COBL: variants seen among roughly 807,000 people sequenced by gnomAD.
The protein encoded by COBL is protein cordon-bleu.
Under a neutral mutation model 98.8 loss-of-function variants are expected in COBL, and 51 were observed. The observed-to-expected ratio is 0.52, with a 90% CI of 0.41 to 0.65. The LOEUF is 0.65. Among genes scored for constraint, COBL ranks in the 30% least tolerant of loss-of-function variants. The probability of loss-of-function intolerance (pLI) is 0.00; values close to 1 mark genes in which losing one functional copy is unlikely to be tolerated. For missense variants in COBL, 1,617 were observed against 1,617.5 expected (o/e 1.00, Z 0.01); for synonymous variants, 634 against 651.7 (o/e 0.97, Z 0.41).
At chr7:51,040,138 T>C (rs1789028753) in intron 8 of COBL, among the ~76,000 whole-genome samples, 1 of 151,444 alleles carries the variant, frequency 6.6e-6, no homozygotes, top group Non-Finnish European at 1.5e-5. Flanking sequence ...AAATGTGATA[T>C]ACCATGCTGA....
At chr7:51,193,887 T>TA (rs567873634) in intron 2 of COBL, among the ~76,000 whole-genome samples, 67 of 152,306 alleles carry the variant, frequency 4.4e-4, no homozygotes, top group African/African-American at 1.5e-3. Context: ...TAAGGTCTGT[T>TA]AGCACAAATA....
chr7:51,299,167 T>C (rs1346766074), intron 1 of COBL, among the ~76,000 whole-genome samples: 7 of 151,532 alleles, frequency 4.6e-5, no homozygotes, highest in African/African-American at 1.7e-4. Flanking sequence ...TGAGCACACA[T>C]ACATACACAC....
At chr7:51,313,252 A>C (rs920697895) in intron 1 of COBL, among the ~76,000 whole-genome samples, 2 of 152,152 alleles carry the variant, frequency 1.3e-5, no homozygotes, top group African/African-American at 4.8e-5. Context: ...ATATTTTCTT[A>C]ATATCTGCAT....
chr7:51,140,731 C>T (rs749711063), intron 5 of COBL, among the ~76,000 whole-genome samples: 7 of 152,158 alleles, frequency 4.6e-5, no homozygotes, highest in Non-Finnish European at 8.8e-5. Flanking sequence ...AGCACAAGTG[C>T]CCCATAGAAC....
At chr7:51,124,633 C>A (rs1798038585) in intron 6 of COBL, among the ~76,000 whole-genome samples, 1 of 152,100 alleles carries the variant, frequency 6.6e-6, no homozygotes, top group Non-Finnish European at 1.5e-5. Context: ...CGTAATCTAC[C>A]CAAAAGACAA....
At chr7:51,144,136 C>T (rs778739744) in intron 5 of COBL, among the ~76,000 whole-genome samples, 1 of 152,220 alleles carries the variant, frequency 6.6e-6, no homozygotes, top group Non-Finnish European at 1.5e-5. Flanking sequence ...TGTGAGCTGA[C>T]ACCTGCCAGG....
intron 6 of COBL, among the ~76,000 whole-genome samples, chr7:51,112,657 C>T (rs1796941215): frequency 6.6e-6 from 1 of 152,140 alleles, no homozygotes; most frequent in Non-Finnish European, 1.5e-5. Flanking sequence ...GTCCTTTGCA[C>T]CTTTGGGTCT....
chr7:51,201,510 A>AAG, intron 2 of COBL, among the ~76,000 whole-genome samples: 1 of 152,210 alleles, frequency 6.6e-6, no homozygotes, highest in Admixed American at 6.5e-5. Context: ...TAATACAATA[A>AAG]TATGAAGAGA....
At chr7:51,023,329 G>C (rs1203334472) in intron 12 of COBL, among the ~76,000 whole-genome samples, 2 of 152,172 alleles carry the variant, frequency 1.3e-5, no homozygotes, top group African/African-American at 4.8e-5. Flanking sequence ...CTATCCTGAG[G>C]AGATGGCATA....
rs1785584970 is a variant in COBL, at chr7:51,151,779, G to A, written c.784-15448C>T. On this transcript the variant is annotated intron_variant, in intron 5 of 12. Coordinates refer to ENST00000265136, the MANE Select transcript of COBL (RefSeq NM_015198.5). ...AATATTTCCCAGCTTCCTTGGTTAG[G>A]ACAGAGCTTTGAATCATTTCTTCAA... is the stretch of plus-strand genomic sequence containing the variant. Among the ~76,000 whole-genome samples, 3 of 152,188 alleles carry A rather than the reference G, an allele frequency of 2.0e-5. No homozygotes were observed. The South Asian group carries it at 6.2e-4, about 31-fold the overall frequency.
intron 1 of COBL, among the ~76,000 whole-genome samples, chr7:51,283,024 A>T (rs1200847449): frequency 2.0e-5 from 3 of 152,198 alleles, no homozygotes; most frequent in African/African-American, 7.2e-5. Flanking sequence ...ATGATGATAA[A>T]GAAGTGCTTA....
chr7:51,065,069 A>G, intron 7 of COBL: 1 of 645,038 alleles, frequency 1.6e-6, no homozygotes, highest in East Asian at 2.7e-5. Flanking sequence ...AACATTTAGA[A>G]GTCGGTCCAT....
At chr7:51,188,697 G>A (rs749559149) in intron 4 of COBL, among the ~76,000 whole-genome samples, 2 of 152,138 alleles carry the variant, frequency 1.3e-5, no homozygotes, top group Admixed American at 6.5e-5. Context: ...AAATCTGAAC[G>A]GCCAAGCTGA....
chr7:51,095,765 T>G (rs575984285), intron 6 of COBL, among the ~76,000 whole-genome samples: 1 of 152,136 alleles, frequency 6.6e-6, no homozygotes, highest in Non-Finnish European at 1.5e-5. Context: ...AAGATAGACT[T>G]CAAGTCAAAA....
chr7:51,030,871 T>G lies in COBL; in HGVS notation c.1445A>C (p.Asp482Ala). Residue 482 changes from aspartate (D) to alanine (A), a missense_variant, in exon 9 of 13, where the codon GAC becomes GCC. Asp to Ala is a moderately radical substitution (Grantham distance 126). This residue lies in a region of COBL where 1,304 missense variants were observed against 1,282.0 expected (regional missense o/e 1.02). Transcript: ENST00000265136. ...KAVTASNDEEDLLIAGEFRKT... is the reference protein window; with the variant it reads ...KAVTASNDEEALLIAGEFRKT... ...ACGGAACTCTCCAGCAATTAATAGG[T>G]CTTCTTCATCATTTGAGGCTGTGAC... is the stretch of plus-strand genomic sequence containing the variant. 1.3e-6 allele frequency: 1 copy of G among 746,548 alleles called. No homozygotes were observed. Among genetic ancestry groups the G allele is most frequent in the African/African-American group, 4.1e-5 (1 of 24,508 alleles). The allele number at this position is 746,548 out of a possible 1,614,324, so 46.2% of individuals were successfully genotyped here.
chr7:51,280,478 C>G (rs545373164), intron 1 of COBL, among the ~76,000 whole-genome samples: 8 of 152,298 alleles, frequency 5.3e-5, no homozygotes, highest in Admixed American at 5.2e-4. Flanking sequence ...GAGCTGTGGT[C>G]CCAAGAGGAT....
At chr7:51,136,743 C>T (rs1460872999) in intron 5 of COBL, among the ~76,000 whole-genome samples, 5 of 152,204 alleles carry the variant, frequency 3.3e-5, no homozygotes, top group African/African-American at 4.8e-5. Flanking sequence ...ATGAGGAAGA[C>T]ACCAACAGTC....
At chr7:51,133,162 C>T (rs1798910395) in intron 6 of COBL, among the ~76,000 whole-genome samples, 1 of 151,958 alleles carries the variant, frequency 6.6e-6, no homozygotes. Flanking sequence ...AGTGTGGGCC[C>T]CAGGAGATGA....
chr7:51,233,469 G>A lies in COBL; in HGVS notation c.42-13525C>T, dbSNP rs141930813. Among the ~76,000 whole-genome samples, 881 of 152,318 alleles carry A rather than the reference G, an allele frequency of 5.8e-3. 11 individuals carry two copies. Among genetic ancestry groups the A allele is most frequent in the Non-Finnish European group, 9.0e-3 (612 of 68,036 alleles). ...GCTGTATTGAGTTCCTTCCAGCAAA[G>A]TGTGGAAAAGAGAACCAAACCGAGT... is the stretch of plus-strand genomic sequence containing the variant. On this transcript the variant is annotated intron_variant, in intron 1 of 12. Coordinates refer to ENST00000265136, the MANE Select transcript of COBL (RefSeq NM_015198.5).
Sources: gnomAD v4.1 joint callset for allele counts (sites outside exome capture counted in the v4.1 genomes callset) on GRCh38, gnomAD v4.1.1 for gene constraint, gnomAD v4.1.1 regional missense constraint, MANE v1.5 for transcripts, NCBI Gene and HGNC (gene_info 2026-07-23, HGNC 2026-07-21) for gene names.